The following MSRA variants were observed in gnomAD, a reference collection of about 807,000 sequenced individuals.
MSRA encodes methionine sulfoxide reductase A.
In MSRA, 54 loss-of-function variants were observed where a neutral mutation model predicts 31.3. The ratio of observed to expected loss-of-function variants is 1.73; its 90% CI spans 1.39 to 2.17. MSRA has a LOEUF of 2.17. Ranked by LOEUF, MSRA falls within the 30% of genes most tolerant of loss-of-function variation. The pLI, the probability that MSRA is intolerant of heterozygous loss-of-function variation, is 0.00. For missense variants in MSRA, 507 were observed against 300.9 expected, an observed-to-expected ratio of 1.69 and a Z score of -5.07; for synonymous variants, 169 against 116.5, an observed-to-expected ratio of 1.45 and a Z score of -2.90.
chr8:10,170,817 G>A (rs1212656817), intron 1 of MSRA, among the ~76,000 whole-genome samples: 2 of 152,184 alleles, frequency 1.3e-5, no homozygotes, highest in Non-Finnish European at 2.9e-5. Context: ...CATTTTTATG[G>A]TACTCTGTCC....
chr8:10,077,172 G>A (rs1427848283), intron 1 of MSRA, among the ~76,000 whole-genome samples: 2 of 152,152 alleles, frequency 1.3e-5, no homozygotes, highest in Non-Finnish European at 2.9e-5. Context: ...ATGGATGGTC[G>A]GCCACAGCCA....
intron 3 of MSRA, among the ~76,000 whole-genome samples, chr8:10,269,785 G>A (rs750634351): frequency 6.6e-6 from 1 of 152,180 alleles, no homozygotes; most frequent in Non-Finnish European, 1.5e-5. Flanking sequence ...CTGAGTAGCT[G>A]GGACCACATG....
chr8:10,202,957 G>C (rs1019961304), intron 1 of MSRA, among the ~76,000 whole-genome samples: 1 of 152,036 alleles, frequency 6.6e-6, no homozygotes, highest in African/African-American at 2.4e-5. Flanking sequence ...TCTTGTCCTG[G>C]ATCGCCTGTT....
At chr8:10,388,148 C>G (rs115262720) in intron 5 of MSRA, among the ~76,000 whole-genome samples, 2 of 152,080 alleles carry the variant, frequency 1.3e-5, no homozygotes, top group East Asian at 3.9e-4. Context: ...ATAAGTAATT[C>G]AAAGAGGTGG....
intron 5 of MSRA, among the ~76,000 whole-genome samples, chr8:10,371,493 C>T (rs1805473825): frequency 6.6e-6 from 1 of 152,102 alleles, no homozygotes; most frequent in South Asian, 2.1e-4. Flanking sequence ...ACTTCTCGTT[C>T]TCAGGTTTTT....
chr8:10,323,792 G>GTGTCTGT (rs1330685207), intron 5 of MSRA, among the ~76,000 whole-genome samples: 2 of 144,314 alleles, frequency 1.4e-5, no homozygotes, highest in Admixed American at 1.4e-4. Flanking sequence ...CTGTCTGTCT[G>GTGTCTGT]CATGTCTGCA....
chr8:10,092,516 G>T (rs1047634482), intron 1 of MSRA, among the ~76,000 whole-genome samples: 1 of 152,152 alleles, frequency 6.6e-6, no homozygotes, highest in African/African-American at 2.4e-5. Flanking sequence ...AAGTTAGCTG[G>T]GCATGGTGGC....
intron 1 of MSRA, among the ~76,000 whole-genome samples, chr8:10,135,812 G>C (rs1236310604): frequency 6.6e-6 from 1 of 152,214 alleles, no homozygotes; most frequent in African/African-American, 2.4e-5. Flanking sequence ...CTGGAATTTT[G>C]TTGAGACATC....
At chr8:10,291,161 C>T (rs913093981) in intron 3 of MSRA, among the ~76,000 whole-genome samples, 1 of 152,194 alleles carries the variant, frequency 6.6e-6, no homozygotes, top group Non-Finnish European at 1.5e-5. Flanking sequence ...TGACTGCTTT[C>T]TTGAAGACTT....
intron 5 of MSRA, among the ~76,000 whole-genome samples, chr8:10,385,474 T>A (rs1254625047): frequency 6.6e-6 from 1 of 152,024 alleles, no homozygotes; most frequent in African/African-American, 2.4e-5. Flanking sequence ...CTGTGGCACA[T>A]GTGGGGCAGA....
intron 4 of MSRA, among the ~76,000 whole-genome samples, chr8:10,307,935 G>A (rs1420048318): frequency 6.6e-6 from 1 of 152,206 alleles, no homozygotes; most frequent in African/African-American, 2.4e-5. Flanking sequence ...GACTATGGGG[G>A]CCTTAGTAGA....
At chr8:10,275,527 G>T (rs2129103404) in intron 3 of MSRA, among the ~76,000 whole-genome samples, 1 of 152,318 alleles carries the variant, frequency 6.6e-6, no homozygotes, top group African/African-American at 2.4e-5. Context: ...TTGTTCATTG[G>T]TGAAATAAGT....
At chr8:10,287,586 T>G (rs973004688) in intron 3 of MSRA, among the ~76,000 whole-genome samples, 1 of 152,146 alleles carries the variant, frequency 6.6e-6, no homozygotes, top group East Asian at 1.9e-4. Flanking sequence ...AGAACCCCTT[T>G]GAGACACACA....
At chr8:10,212,763 G>T (rs1809619898) in intron 2 of MSRA, among the ~76,000 whole-genome samples, 1 of 152,178 alleles carries the variant, frequency 6.6e-6, no homozygotes, top group Non-Finnish European at 1.5e-5. Context: ...CAGTTTGGAG[G>T]TGGGGCTATG....
At chr8:10,355,193 T>G (rs971492465) in intron 5 of MSRA, among the ~76,000 whole-genome samples, 1 of 152,226 alleles carries the variant, frequency 6.6e-6, no homozygotes, top group Non-Finnish European at 1.5e-5. Context: ...CGCCTCTTCC[T>G]GCCCAGCCCA....
intron 1 of MSRA, among the ~76,000 whole-genome samples, chr8:10,114,319 A>C (rs959296718): frequency 2.0e-5 from 3 of 152,144 alleles, no homozygotes; most frequent in Non-Finnish European, 4.4e-5. Context: ...TTCTTGTGTG[A>C]ATATATGTTT....
intron 3 of MSRA, among the ~76,000 whole-genome samples, chr8:10,259,687 C>T (rs1162013932): frequency 6.6e-6 from 1 of 152,064 alleles, no homozygotes; most frequent in Non-Finnish European, 1.5e-5. Flanking sequence ...CTGGGAAACC[C>T]AGGACTAGGG....
At chr8:10,244,551 T>G (rs1220438656) in intron 2 of MSRA, among the ~76,000 whole-genome samples, 1 of 152,174 alleles carries the variant, frequency 6.6e-6, no homozygotes, top group Non-Finnish European at 1.5e-5. Context: ...AAATTTACTT[T>G]TGGGTAAGCA....
intron 2 of MSRA, among the ~76,000 whole-genome samples, chr8:10,232,753 G>A (rs1163833500): frequency 8.5e-5 from 13 of 152,172 alleles, no homozygotes; most frequent in African/African-American, 2.9e-4. Context: ...AAAATTGTGA[G>A]TAGAAATGCA....
Sources: gnomAD v4.1 joint callset for allele counts (sites outside exome capture counted in the v4.1 genomes callset) on GRCh38, gnomAD v4.1.1 for gene constraint, MANE v1.5 for transcripts, NCBI Gene and HGNC (gene_info 2026-07-23, HGNC 2026-07-21) for gene names.